Variants in CADM2 observed in about 807,000 individuals in gnomAD.
CADM2 encodes cell adhesion molecule 2.
A neutral mutation model predicts 49.8 loss-of-function variants in CADM2; 12 were observed. The observed-to-expected ratio is 0.24, with a 90% CI of 0.15 to 0.39. CADM2 has a LOEUF of 0.39. CADM2 is among the 10% of genes least tolerant of loss of function. CADM2 has a pLI of 1.00. For synonymous variants in CADM2, 214 were observed against 175.4 expected, an observed-to-expected ratio of 1.22 and a Z score of -1.74; for missense variants, 378 against 492.3, an observed-to-expected ratio of 0.77 and a Z score of 2.20.
At chr3:85,685,960 G>A (rs910433480) in intron 1 of CADM2, among the ~76,000 whole-genome samples, 1 of 152,120 alleles carries the variant, frequency 6.6e-6, no homozygotes, top group African/African-American at 2.4e-5. Context: ...GATTGTAATA[G>A]TAGGCCTCTA....
At chr3:85,807,588 T>G (rs1203385869) in intron 3 of CADM2, among the ~76,000 whole-genome samples, 1 of 152,072 alleles carries the variant, frequency 6.6e-6, no homozygotes, top group Non-Finnish European at 1.5e-5. Flanking sequence ...ATGGGAATAT[T>G]CCATATCTGG....
chr3:85,412,249 C>G (rs979128353), intron 1 of CADM2, among the ~76,000 whole-genome samples: 1 of 152,066 alleles, frequency 6.6e-6, no homozygotes, highest in African/African-American at 2.4e-5. Context: ...ATTTACTTAC[C>G]TCTCAAATGG....
chr3:85,130,814 T>C (rs535869192), intron 1 of CADM2, among the ~76,000 whole-genome samples: 5 of 152,328 alleles, frequency 3.3e-5, no homozygotes, highest in African/African-American at 1.2e-4. Flanking sequence ...TATAAACTCT[T>C]ATACGTAGCG....
chr3:85,431,674 T>G (rs1332303403), intron 1 of CADM2, among the ~76,000 whole-genome samples: 1 of 151,314 alleles, frequency 6.6e-6, no homozygotes, highest in Admixed American at 6.6e-5. Flanking sequence ...ACATGGTTAC[T>G]GATGATGATA....
intron 8 of CADM2, among the ~76,000 whole-genome samples, chr3:86,002,508 G>A (rs907340830): frequency 6.6e-6 from 1 of 152,112 alleles, no homozygotes; most frequent in Non-Finnish European, 1.5e-5. Flanking sequence ...GTTGTGAAAG[G>A]CCTCATTCAC....
chr3:85,115,215 C>A (rs1039006404), intron 1 of CADM2, among the ~76,000 whole-genome samples: 1 of 152,042 alleles, frequency 6.6e-6, no homozygotes, highest in African/African-American at 2.4e-5. Context: ...TTAACTTATT[C>A]CTGGAAATGA....
At chr3:85,728,088 A>G (rs1245708543) in intron 2 of CADM2, among the ~76,000 whole-genome samples, 1 of 152,198 alleles carries the variant, frequency 6.6e-6, no homozygotes, top group Non-Finnish European at 1.5e-5. Flanking sequence ...AATTTGAATT[A>G]TAATACGCAG....
chr3:85,193,075 G>T (rs2041247348), intron 1 of CADM2, among the ~76,000 whole-genome samples: 1 of 151,918 alleles, frequency 6.6e-6, no homozygotes, highest in South Asian at 2.1e-4. Flanking sequence ...AAATCACAAT[G>T]GTATAAATAA....
At chr3:86,051,727 C>T (rs1737361182) in intron 8 of CADM2, among the ~76,000 whole-genome samples, 1 of 152,088 alleles carries the variant, frequency 6.6e-6, no homozygotes, top group South Asian at 2.1e-4. Context: ...CTTCACATGG[C>T]AGGTGCAGGA....
intron 1 of CADM2, among the ~76,000 whole-genome samples, chr3:85,618,623 A>T (rs901520025): frequency 4.6e-5 from 7 of 152,218 alleles, no homozygotes; most frequent in African/African-American, 1.7e-4. Context: ...GTAATTCTTT[A>T]TCTTGATATG....
intron 7 of CADM2, among the ~76,000 whole-genome samples, chr3:85,944,808 G>A (rs1302468193): frequency 6.6e-6 from 1 of 151,722 alleles, no homozygotes; most frequent in Non-Finnish European, 1.5e-5. Context: ...AGCACTAAAG[G>A]CCCACAAGAC....
chr3:85,564,775 A>G (rs1246420160), intron 1 of CADM2, among the ~76,000 whole-genome samples: 2 of 152,080 alleles, frequency 1.3e-5, no homozygotes, highest in African/African-American at 4.8e-5. Flanking sequence ...ATACTTTAAT[A>G]CAAGAGGTGT....
At chr3:85,282,773 C>T (rs1202247162) in intron 1 of CADM2, among the ~76,000 whole-genome samples, 1 of 151,876 alleles carries the variant, frequency 6.6e-6, no homozygotes, top group Non-Finnish European at 1.5e-5. Context: ...AACTGTAATA[C>T]CTAAAATATA....
At chr3:85,400,880 C>G (rs2107438463) in intron 1 of CADM2, among the ~76,000 whole-genome samples, 1 of 152,202 alleles carries the variant, frequency 6.6e-6, no homozygotes, top group African/African-American at 2.4e-5. Flanking sequence ...GTCATCAACC[C>G]CTGACATCCT....
intron 1 of CADM2, among the ~76,000 whole-genome samples, chr3:85,445,857 T>C (rs2037424733): frequency 6.6e-6 from 1 of 152,172 alleles, no homozygotes; most frequent in Non-Finnish European, 1.5e-5. Context: ...ATAAATCTTT[T>C]TTTGAAACAA....
chr3:85,231,886 A>AT lies in CADM2; in HGVS notation c.61+272226dup, dbSNP rs915944026. Reference sequence around the variant, plus strand: ...CGCACCACACCCGACTAATTTTTGTATTTTTTTTAGTAGAGATGGGGTTTC... The same window carrying AT: ...CGCACCACACCCGACTAATTTTTGTATTTTTTTTTAGTAGAGATGGGGTTTC... On this transcript the variant is annotated intron_variant, in intron 1 of 9. Transcript: ENST00000383699. Among the ~76,000 whole-genome samples the AT allele has an allele frequency of 8.7e-5, 13 of 150,164 alleles. No homozygotes were observed. In the South Asian group the frequency reaches 1.1e-3, roughly 12 times the overall value.
chr3:85,242,214 ATCAAT>A (rs942868336), intron 1 of CADM2, among the ~76,000 whole-genome samples: 1 of 151,422 alleles, frequency 6.6e-6, no homozygotes, highest in Non-Finnish European at 1.5e-5. Flanking sequence ...ATTATGGAAA[ATCAAT>A]TCAATATCAC....
chr3:85,885,401 G>C (rs956634921), intron 4 of CADM2, among the ~76,000 whole-genome samples: 4 of 151,670 alleles, frequency 2.6e-5, no homozygotes, highest in Middle Eastern at 6.8e-3. Context: ...GGCCAGGCAC[G>C]GTGGCTCATG....
chr3:85,106,368 A>T (rs978849936), intron 1 of CADM2, among the ~76,000 whole-genome samples: 1 of 152,176 alleles, frequency 6.6e-6, no homozygotes, highest in African/African-American at 2.4e-5. Context: ...CTAAGGAGGA[A>T]CAGATTTTGA....
Sources: gnomAD v4.1 joint callset for allele counts (sites outside exome capture counted in the v4.1 genomes callset) on GRCh38, gnomAD v4.1.1 for gene constraint, MANE v1.5 for transcripts, NCBI Gene and HGNC (gene_info 2026-07-23, HGNC 2026-07-21) for gene names.